The following CAMTA1 variants were observed in gnomAD, a reference collection of about 807,000 sequenced individuals.
CAMTA1 encodes calmodulin-binding transcription activator 1.
A neutral mutation model predicts 170.9 loss-of-function variants in CAMTA1; 27 were observed. That is an observed-to-expected ratio of 0.16 (90% confidence interval 0.12 to 0.22). The LOEUF is 0.22. CAMTA1 is among the 10% of genes least tolerant of loss of function. CAMTA1 has a pLI of 1.00. For synonymous variants in CAMTA1, 833 were observed against 891.5 expected (o/e 0.93, Z 1.17); for missense variants, 1,619 against 2,217.2 (o/e 0.73, Z 5.42).
chr1:7,470,629 C>A (rs2093312985), intron 6 of CAMTA1, among the ~76,000 whole-genome samples: 1 of 152,072 alleles, frequency 6.6e-6, no homozygotes, highest in African/African-American at 2.4e-5. Flanking sequence ...CTCTCAGCCC[C>A]CTGCAGGGGG....
At chr1:6,989,817 C>T (rs1233178982) in intron 3 of CAMTA1, among the ~76,000 whole-genome samples, 1 of 152,164 alleles carries the variant, frequency 6.6e-6, no homozygotes, top group South Asian at 2.1e-4. Flanking sequence ...TTTCCATTAC[C>T]TAGACCTTTC....
At chr1:6,835,207 A>T (rs1188673511) in intron 3 of CAMTA1, among the ~76,000 whole-genome samples, 2 of 152,158 alleles carry the variant, frequency 1.3e-5, no homozygotes, top group Non-Finnish European at 2.9e-5. Context: ...TGCTTTTAAG[A>T]AATGTTAAGG....
intron 22 of CAMTA1, among the ~76,000 whole-genome samples, chr1:7,757,874 T>A (rs1013439697): frequency 6.6e-6 from 1 of 152,226 alleles, no homozygotes; most frequent in Non-Finnish European, 1.5e-5. Flanking sequence ...TTACGTAAAC[T>A]TAACTAATTA....
chr1:6,963,483 C>A (rs550904829), intron 3 of CAMTA1, among the ~76,000 whole-genome samples: 2 of 152,158 alleles, frequency 1.3e-5, no homozygotes, highest in South Asian at 2.1e-4. Flanking sequence ...GACCTATAAA[C>A]CCTGTTCTTC....
chr1:6,891,996 G>A (rs1206870051), intron 3 of CAMTA1, among the ~76,000 whole-genome samples: 1 of 152,180 alleles, frequency 6.6e-6, no homozygotes, highest in Non-Finnish European at 1.5e-5. Flanking sequence ...CCAGGTCCAC[G>A]TGAGTCATTG....
chr1:7,387,032 G>T (rs2088084131), intron 5 of CAMTA1, among the ~76,000 whole-genome samples: 1 of 152,062 alleles, frequency 6.6e-6, no homozygotes, highest in African/African-American at 2.4e-5. Flanking sequence ...CTGAAAGTCA[G>T]CAGCCCCTGG....
At chr1:6,831,146 G>C (rs1165065349) in intron 3 of CAMTA1, among the ~76,000 whole-genome samples, 1 of 152,078 alleles carries the variant, frequency 6.6e-6, no homozygotes, top group Admixed American at 6.6e-5. Flanking sequence ...ATGACTATTA[G>C]TATGTGGACT....
chr1:7,041,376 T>G lies in CAMTA1; in HGVS notation c.235-49928T>G, dbSNP rs923223135. 6.6e-6 allele frequency among the ~76,000 whole-genome samples: 1 copy of G among 152,230 alleles called. No homozygotes were observed. The highest frequency in any genetic ancestry group is 1.5e-5 in the Non-Finnish European group (1 of 68,040). ...AAGAGGGCTGGGGAAGCTCACTGTTTGAAACACACACACACAACAGAACAT... is the reference window on the plus strand; with the variant it reads ...AAGAGGGCTGGGGAAGCTCACTGTTGGAAACACACACACACAACAGAACAT... On this transcript the variant is annotated intron_variant, in intron 3 of 22. Coordinates refer to ENST00000303635, the MANE Select transcript of CAMTA1 (RefSeq NM_015215.4). The surrounding 1 kb of genome is among the most constrained non-coding windows in gnomAD (Gnocchi z 5.1).
In CAMTA1 at chr1:7,580,086, T is replaced by A. The variant is rs2095246116; in HGVS notation, c.511-60314T>A. On this transcript the variant is annotated intron_variant, in intron 6 of 22. Coordinates refer to ENST00000303635, the MANE Select transcript of CAMTA1 (RefSeq NM_015215.4). This position sits in a 1 kb window ranked among gnomAD's most constrained non-coding sequence, Gnocchi z 4.3. ...CTCTGGCCTGTGCCAGGCACACAGC[T>A]AGGAGCTGGGCCTTGCGGACCACAG... 6.6e-6 allele frequency among the ~76,000 whole-genome samples: 1 copy of A among 152,250 alleles called. No homozygotes were observed. The highest frequency in any genetic ancestry group is 1.5e-5 in the Non-Finnish European group (1 of 68,048).
At position 7,014,574 on chromosome 1, in the gene CAMTA1, G is replaced by A. The variant is rs1352807182; in HGVS notation, c.235-76730G>A. Among the ~76,000 whole-genome samples the A allele has an allele frequency of 2.0e-5, 3 of 152,228 alleles. No individual in the cohort carries two copies. Among genetic ancestry groups the A allele is most frequent in the Non-Finnish European group, 2.9e-5 (2 of 68,046 alleles). On this transcript the variant is annotated intron_variant, in intron 3 of 22. Coordinates refer to ENST00000303635, the MANE Select transcript of CAMTA1 (RefSeq NM_015215.4). This position sits in a 1 kb window ranked among gnomAD's most constrained non-coding sequence, Gnocchi z 4.2. The stretch of plus-strand genomic sequence containing the variant: ...GCCCAGCCCAAGTATAGGGAGCAAT[G>A]GCCGAGCTTCTGTTTTAAGGCAGCA...
rs915027850 is a variant in CAMTA1, at chr1:7,416,127, C to T, written c.439-51703C>T. ...GCTTGTAGAGTTTCTGCTGAGAGAT[C>T]CGCTGTTAGTCTGATGGGCTTCCCT... On this transcript the variant is annotated intron_variant, in intron 5 of 22. Transcript: ENST00000303635. 7.9e-5 allele frequency among the ~76,000 whole-genome samples: 12 copies of T among 152,278 alleles called. No individual in the cohort carries two copies. The East Asian group carries it at 1.2e-3, about 15-fold the overall frequency.
At chr1:6,981,625 T>G (rs11120803) in intron 3 of CAMTA1, among the ~76,000 whole-genome samples, 78,556 of 151,788 alleles carry the variant, frequency 0.52, 20,734 homozygotes, top group African/African-American at 0.62. Flanking sequence ...TGGAGACAAG[T>G]TCTCCCTATT....
chr1:6,915,123 A>G (rs1336525486), intron 3 of CAMTA1, among the ~76,000 whole-genome samples: 1 of 152,228 alleles, frequency 6.6e-6, no homozygotes, highest in African/African-American at 2.4e-5. Context: ...CTTTTTGAAA[A>G]AAGAAAAGCC....
intron 3 of CAMTA1, among the ~76,000 whole-genome samples, chr1:6,827,950 C>T (rs1297638679): frequency 2.6e-5 from 4 of 152,170 alleles, no homozygotes; most frequent in African/African-American, 9.7e-5. Flanking sequence ...TGAAGGGGCT[C>T]ACACTGGAAG....
At chr1:7,130,707 C>T (rs1645197339) in intron 4 of CAMTA1, among the ~76,000 whole-genome samples, 1 of 152,092 alleles carries the variant, frequency 6.6e-6, no homozygotes, top group East Asian at 1.9e-4. Context: ...ATGATGCTGA[C>T]AGTCCTATAA....
chr1:7,483,691 G>A (rs1042769066), intron 6 of CAMTA1, among the ~76,000 whole-genome samples: 7 of 152,198 alleles, frequency 4.6e-5, no homozygotes, highest in Non-Finnish European at 1.0e-4. Context: ...AGTAGCCCAG[G>A]GCGGGGAGCA....
intron 3 of CAMTA1, among the ~76,000 whole-genome samples, chr1:6,990,338 G>T (rs1180939874): frequency 6.6e-6 from 1 of 152,086 alleles, no homozygotes; most frequent in South Asian, 2.1e-4. Flanking sequence ...ACGTAAAGAA[G>T]AGTTGAATTA....
rs566471421 is a variant in CAMTA1, at chr1:7,102,759, C to T, written c.302+11388C>T. Among the ~76,000 whole-genome samples the T allele has an allele frequency of 1.1e-4, 17 of 152,194 alleles. No individual in the cohort carries two copies. In the South Asian group the frequency reaches 2.1e-3, roughly 19 times the overall value. On this transcript the variant is annotated intron_variant, in intron 4 of 22. Transcript: ENST00000303635. The stretch of plus-strand genomic sequence containing the variant: ...ATTAATTCAGTTCACCAGTGTTGGG[C>T]GATGCTGCCCTTCTGATGCTGGGGG...
intron 3 of CAMTA1, among the ~76,000 whole-genome samples, chr1:6,847,121 A>C (rs1342314873): frequency 6.6e-6 from 1 of 151,302 alleles, no homozygotes; most frequent in Non-Finnish European, 1.5e-5. Context: ...CTTTTGCCTC[A>C]GCCTACCGAG....
Sources: allele counts gnomAD v4.1 joint callset (sites outside exome capture counted in the v4.1 genomes callset), GRCh38; gene constraint gnomAD v4.1.1; non-coding constraint Gnocchi (gnomAD v3.1); transcripts MANE v1.5; gene names NCBI Gene and HGNC (gene_info 2026-07-23, HGNC 2026-07-21).